The following SMARCA4 variants were observed in gnomAD, a reference collection of about 807,000 sequenced individuals.
SMARCA4 encodes SWI/SNF related BAF chromatin remodeling complex subunit ATPase 4, also known as SWI/SNF-related matrix-associated actin-dependent regulator of chromatin subfamily A member 4.
Under a neutral mutation model 193.9 loss-of-function variants are expected in SMARCA4, and 31 were observed. That is an observed-to-expected ratio of 0.16 (90% CI 0.12 to 0.22). SMARCA4 has a LOEUF of 0.22. SMARCA4 is among the 10% of genes least tolerant of loss of function. SMARCA4 has a pLI of 1.00. For missense variants in SMARCA4, 1,148 were observed against 2,296.0 expected, an observed-to-expected ratio of 0.50 and a Z score of 10.22; for synonymous variants, 942 against 933.1, an observed-to-expected ratio of 1.01 and a Z score of -0.17.
chr19:11,021,342 A>C, intron 18 of SMARCA4: 1 of 367,254 alleles, frequency 2.7e-6, no homozygotes, highest in Non-Finnish European at 5.4e-6. Context: ...AGTTCCCCTG[A>C]GACCCTCCAC....
rs1843935261 is a variant in SMARCA4, at chr19:11,034,885, G to A, written c.3952-29G>A. ...GTGCCCCTGGTGCCTGCATGCTGAT[G>A]CCTCTCCCGTTGCCTCCCTGCCCAC... On this transcript the variant is annotated intron_variant, in intron 28 of 34. Coordinates refer to ENST00000344626, the MANE Select transcript of SMARCA4 (RefSeq NM_003072.5). This position sits in a 1 kb window ranked among gnomAD's most constrained non-coding sequence, Gnocchi z 7.0. 1 of 1,480,204 alleles carries A rather than the reference G, an allele frequency of 6.8e-7. No homozygotes were observed. The highest frequency in any genetic ancestry group is 9.2e-7 in the Non-Finnish European group (1 of 1,086,652). 91.7% of individuals were successfully genotyped at this position (1,480,204 alleles called of 1,614,324 possible).
In SMARCA4 at chr19:11,016,981, C is replaced by T. The variant is rs373514430; in HGVS notation, c.2439-1976C>T. Among the ~76,000 whole-genome samples the T allele has an allele frequency of 1.7e-3, 253 of 152,114 alleles. 10 individuals carry two copies. In the South Asian group the frequency reaches 0.05, roughly 30 times the overall value. ...ACCAAGACCTGGGTCCTGGATGGGCCTGTTGCTTCTGGGGTGTCATTGCTC... is the reference window on the plus strand; with the variant it reads ...ACCAAGACCTGGGTCCTGGATGGGCTTGTTGCTTCTGGGGTGTCATTGCTC... On this transcript the variant is annotated intron_variant, in intron 16 of 34. Transcript: ENST00000344626.
intron 1 of SMARCA4, among the ~76,000 whole-genome samples, chr19:10,963,921 C>T (rs926929337): frequency 5.3e-5 from 8 of 152,000 alleles, no homozygotes; most frequent in Non-Finnish European, 1.2e-4. Flanking sequence ...GGTGACGAAG[C>T]GAGACCCTGT....
rs1009593250 is a variant in SMARCA4 at position 11,019,928 on chromosome 19, A to G, written c.2616+227A>G. Among the ~76,000 whole-genome samples the G allele has an allele frequency of 2.0e-5, 3 of 152,338 alleles. No homozygotes were observed. Among genetic ancestry groups the G allele is most frequent in the Admixed American group, 1.3e-4 (2 of 15,304 alleles). The stretch of plus-strand genomic sequence containing the variant: ...TGAGTCAGGCCCAGAAGCTGGGGCC[A>G]TCTACACAGCATGCGCTCTGCCTCC... On this transcript the variant is annotated intron_variant, in intron 18 of 34. Transcript: ENST00000344626. The surrounding 1 kb of genome is among the most constrained non-coding windows in gnomAD (Gnocchi z 6.1).
rs1284048001 is a variant in SMARCA4 at position 11,041,456 on chromosome 19, G to T, written c.4320G>T (p.Gln1440His). 7 of 1,612,620 alleles carry T rather than the reference G, an allele frequency of 4.3e-6. No individual in the cohort carries two copies. Among genetic ancestry groups the T allele is most frequent in the Non-Finnish European group, 5.9e-6 (7 of 1,179,942 alleles). ...SRDKDDESKKQKKRGRPPAEK... is the reference protein window; with the variant it reads ...SRDKDDESKKHKKRGRPPAEK... ...ACAAGGACGACGAGAGCAAGAAGCAGAAGAAGCGCGGGCGGCCGCCTGCCG... is the reference window on the plus strand; with the variant it reads ...ACAAGGACGACGAGAGCAAGAAGCATAAGAAGCGCGGGCGGCCGCCTGCCG... The change falls in exon 30 of 35, where the codon CAG becomes CAT. Residue 1440 changes from glutamine (Q) to histidine (H), a missense_variant. By Grantham distance (24) the Gln-to-His change is conservative. Coordinates refer to ENST00000344626, the MANE Select transcript of SMARCA4 (RefSeq NM_003072.5). This position sits in a 1 kb window ranked among gnomAD's most constrained non-coding sequence, Gnocchi z 5.6.
chr19:11,030,953 G>C lies in SMARCA4; in HGVS notation c.3546+60G>C. ...GAAGGGGGTGCCTGCAAAACCTCGA[G>C]GAGACGGCCCTGGCTTGAGGGTCCT... On this transcript the variant is annotated intron_variant, in intron 25 of 34. Coordinates refer to ENST00000344626, the MANE Select transcript of SMARCA4 (RefSeq NM_003072.5). The surrounding 1 kb of genome is among the most constrained non-coding windows in gnomAD (Gnocchi z 5.5). The C allele has an allele frequency of 3.9e-6, 6 of 1,519,542 alleles. No homozygotes were observed. Among genetic ancestry groups the C allele is most frequent in the Non-Finnish European group, 5.4e-6 (6 of 1,112,878 alleles). 94.1% of individuals were successfully genotyped at this position (1,519,542 alleles called of 1,614,324 possible).
chr19:11,005,962 T>C (rs893064879), intron 13 of SMARCA4, among the ~76,000 whole-genome samples: 2 of 152,200 alleles, frequency 1.3e-5, no homozygotes, highest in Non-Finnish European at 2.9e-5. Context: ...GAAGTCTCAC[T>C]CCTATTTTAA....
rs2146470885 is a variant in SMARCA4, at chr19:11,024,317, T to C, written c.2974-14T>C. The C allele has an allele frequency of 1.9e-6, 3 of 1,589,734 alleles. No homozygotes were observed. Among genetic ancestry groups the C allele is most frequent in the Non-Finnish European group, 1.7e-6 (2 of 1,158,502 alleles). On this transcript the variant is annotated splice_polypyrimidine_tract_variant and intron_variant, in intron 20 of 34. Transcript: ENST00000344626. ...CCACCTTGGGCCCTCGTGAGCATTA[T>C]GTGTCCCCTGCAGGTGGAGTACGTC... is the stretch of plus-strand genomic sequence containing the variant.
intron 12 of SMARCA4, 48 bp downstream of exon 12, chr19:11,003,207 G>A (rs2146101942): frequency 6.2e-7 from 1 of 1,613,172 alleles, no homozygotes; most frequent in Non-Finnish European, 8.5e-7. Context: ...CAAGTCCTCG[G>A]TGGGCCTTGT....
At chr19:11,061,188 TAAAAAAA>T (rs140377414) in intron 34 of SMARCA4, among the ~76,000 whole-genome samples, 4 of 68,858 alleles carry the variant, frequency 5.8e-5, no homozygotes, top group African/African-American at 3.3e-4. Context: ...ACCCTGTCTT[TAAAAAAA>T]AAAAAAAAAA....
At chr19:10,962,397 T>G (rs1460108453) in intron 1 of SMARCA4, among the ~76,000 whole-genome samples, 1 of 151,946 alleles carries the variant, frequency 6.6e-6, no homozygotes, top group East Asian at 1.9e-4. Flanking sequence ...GGGTGGTAAA[T>G]GTGGGAACAA....
At position 11,059,842 on chromosome 19, in the gene SMARCA4, TGAG is replaced by T. The variant is rs1555795992; in HGVS notation, c.4734_4736del (p.Glu1580del). On this transcript the variant is annotated inframe_deletion, in exon 33 of 35. Transcript: ENST00000344626. ...AGGATGACAGTGAAGGCGAGGAGAG[TGAG>T]GAGGAGGAAGAGGGCGAGGAGGAAG... 1.9e-6 allele frequency: 3 copies of T among 1,612,102 alleles called. No homozygotes were observed. Among genetic ancestry groups the T allele is most frequent in the Non-Finnish European group, 2.5e-6 (3 of 1,179,310 alleles).
rs181451496 is a variant in SMARCA4, at chr19:10,983,279, A to G, written c.-31-842A>G. On this transcript the variant is annotated intron_variant, in intron 1 of 34. Coordinates refer to ENST00000344626, the MANE Select transcript of SMARCA4 (RefSeq NM_003072.5). Reference sequence around the variant, plus strand: ...GACGTTTCCAAGTGTCAGGGACCAAAAAGTGCCATTATTTGTGTAATACTT... The same window carrying G: ...GACGTTTCCAAGTGTCAGGGACCAAGAAGTGCCATTATTTGTGTAATACTT... Among the ~76,000 whole-genome samples the G allele has an allele frequency of 3.9e-5, 6 of 152,326 alleles. No homozygotes were observed. The East Asian group carries it at 7.7e-4, about 20-fold the overall frequency.
intron 13 of SMARCA4, among the ~76,000 whole-genome samples, chr19:11,004,224 C>T (rs1293463086): frequency 6.6e-6 from 1 of 151,034 alleles, no homozygotes; most frequent in Non-Finnish European, 1.5e-5. Flanking sequence ...ACCATGTTGG[C>T]CAGTCTGGTC....
At chr19:10,972,474 C>T (rs1458290572) in intron 1 of SMARCA4, among the ~76,000 whole-genome samples, 2 of 151,968 alleles carry the variant, frequency 1.3e-5, no homozygotes, top group Non-Finnish European at 2.9e-5. Context: ...ATTTCTGTCA[C>T]TCTGCTGTCC....
At chr19:10,961,225 G>A (rs2083768138) in intron 1 of SMARCA4, 51 bp downstream of exon 1, 2 of 148,924 alleles carry the variant, frequency 1.3e-5, no homozygotes, top group South Asian at 2.1e-4. Context: ...GGGGAGGGCG[G>A]TTTGAATGGA....
chr19:11,001,630 G>A (rs1279211332), intron 11 of SMARCA4, among the ~76,000 whole-genome samples: 1 of 151,838 alleles, frequency 6.6e-6, no homozygotes, highest in Non-Finnish European at 1.5e-5. Context: ...GCAGCCTGCA[G>A]AGCCCATTGT....
At chr19:10,971,505 T>G (rs1180962819) in intron 1 of SMARCA4, among the ~76,000 whole-genome samples, 2 of 144,956 alleles carry the variant, frequency 1.4e-5, no homozygotes, top group Non-Finnish European at 3.1e-5. Flanking sequence ...TTTTTTTTTT[T>G]TCTCTTTGAG....
chr19:11,019,198 C>A lies in SMARCA4; in HGVS notation c.2505+175C>A. On this transcript the variant is annotated intron_variant, in intron 17 of 34. Coordinates refer to ENST00000344626, the MANE Select transcript of SMARCA4 (RefSeq NM_003072.5). The surrounding 1 kb of genome is among the most constrained non-coding windows in gnomAD (Gnocchi z 6.1). ...CATGGATCCGGGAGTTTGGACTGGG[C>A]AGGGACAGGGCAGATTAGCTCACTG... The A allele has an allele frequency of 1.4e-6, 1 of 693,504 alleles. No individual in the cohort carries two copies. Among genetic ancestry groups the A allele is most frequent in the Non-Finnish European group, 2.6e-6 (1 of 380,274 alleles). 43.0% of individuals were successfully genotyped at this position (693,504 alleles called of 1,614,324 possible).
Sources: gnomAD v4.1 joint callset for allele counts (sites outside exome capture counted in the v4.1 genomes callset) on GRCh38, gnomAD v4.1.1 for gene constraint, Gnocchi (gnomAD v3.1) non-coding constraint, MANE v1.5 for transcripts, NCBI Gene and HGNC (gene_info 2026-07-23, HGNC 2026-07-21) for gene names.